The following SNRNP70 variants were observed in gnomAD, a reference collection of about 807,000 sequenced individuals.
The protein encoded by SNRNP70 is small nuclear ribonucleoprotein U1 subunit 70, also known as U1 small nuclear ribonucleoprotein 70 kDa.
SNRNP70 carries 8 observed loss-of-function variants against 50.5 expected under a neutral mutation model. The observed-to-expected ratio is 0.16, with a 90% CI of 0.09 to 0.29. SNRNP70 has a LOEUF of 0.29. Among genes scored for constraint, SNRNP70 ranks in the 10% least tolerant of loss-of-function variants. The probability of loss-of-function intolerance (pLI) is 1.00; values close to 1 mark genes in which losing one functional copy is unlikely to be tolerated. For missense variants in SNRNP70, 529 were observed against 663.5 expected, an observed-to-expected ratio of 0.80 and a Z score of 2.23; for synonymous variants, 320 against 252.9, an observed-to-expected ratio of 1.27 and a Z score of -2.52.
At chr19:49,100,856 CCCT>C (rs1261836515) in intron 6 of SNRNP70, among the ~76,000 whole-genome samples, 1 of 152,056 alleles carries the variant, frequency 6.6e-6, no homozygotes, top group Non-Finnish European at 1.5e-5. Context: ...ATTCACAACT[CCCT>C]CCTGTTTCCC....
In SNRNP70 at chr19:49,104,422, G is replaced by GCGCTGAGAGGAAGCAGA; in HGVS notation, c.476-203_476-187dup. ...TCTCCCCCGACCAGGAGTGGTTGGG[G>GCGCTGAGAGGAAGCAGA]CGCTGAGAGGAAGCAGACGCTGAGA... On this transcript the variant is annotated intron_variant, in intron 7 of 9. Coordinates refer to ENST00000598441, the MANE Select transcript of SNRNP70 (RefSeq NM_003089.6). This position sits in a 1 kb window ranked among gnomAD's most constrained non-coding sequence, Gnocchi z 5.4. 1 of 541,532 alleles carries GCGCTGAGAGGAAGCAGA rather than the reference G, an allele frequency of 1.8e-6. No individual in the cohort carries two copies. The highest frequency in any genetic ancestry group is 3.3e-5 in the East Asian group (1 of 30,162). The allele number at this position is 541,532 out of a possible 1,614,324, so 33.5% of individuals were successfully genotyped here.
chr19:49,085,641 G>C lies in SNRNP70; in HGVS notation c.-11+5G>C, dbSNP rs546716745. 8.8e-6 allele frequency: 4 copies of C among 455,702 alleles called. No individual in the cohort carries two copies. Among genetic ancestry groups the C allele is most frequent in the African/African-American group, 2.0e-5 (1 of 49,886 alleles). 28.2% of individuals were successfully genotyped at this position (455,702 alleles called of 1,614,324 possible). ...GAGCGAGGAGGGCGCTACGCGGTGAGTGAGTGTGACTGAGTGGCCCGACGG... is the reference window on the plus strand; with the variant it reads ...GAGCGAGGAGGGCGCTACGCGGTGACTGAGTGTGACTGAGTGGCCCGACGG... On this transcript the variant is annotated splice_donor_5th_base_variant and intron_variant, in intron 1 of 9. Transcript: ENST00000598441.
intron 6 of SNRNP70, among the ~76,000 whole-genome samples, chr19:49,100,528 C>T (rs190489944): frequency 4.9e-4 from 74 of 152,276 alleles, no homozygotes; most frequent in Admixed American, 4.8e-3. Flanking sequence ...TGTCCTTGGC[C>T]AGGCACAGTG....
intron 2 of SNRNP70, 24 bp from the exon 3 acceptor site, chr19:49,090,267 T>C: frequency 6.2e-7 from 1 of 1,610,858 alleles, no homozygotes; most frequent in Non-Finnish European, 8.5e-7. Flanking sequence ...CTTCCCACCC[T>C]GTCACCTCTC....
At chr19:49,102,379 C>T (rs1233096159) in intron 7 of SNRNP70, 3 of 307,830 alleles carry the variant, frequency 9.7e-6, no homozygotes, top group Non-Finnish European at 2.0e-5. Context: ...TCTTGCTGAT[C>T]CCAGGAGGGG....
intron 1 of SNRNP70, 149 bp from the exon 2 acceptor site, chr19:49,086,256 G>C (rs767324732): frequency 5.0e-6 from 4 of 798,870 alleles, no homozygotes; most frequent in Admixed American, 2.9e-5. Flanking sequence ...CCTTTTCTCC[G>C]CAACACAGGA....
At chr19:49,093,554 C>G (rs189103542) in intron 4 of SNRNP70, among the ~76,000 whole-genome samples, 12 of 149,312 alleles carry the variant, frequency 8.0e-5, no homozygotes, top group Non-Finnish European at 1.3e-4. Flanking sequence ...TGATGTGTAC[C>G]TGTAATCCCA....
chr19:49,092,932 T>TTTTTTTTTTTTTTTTTTTTTTTTTTTTTG (rs1409310441), intron 4 of SNRNP70, among the ~76,000 whole-genome samples: 1 of 151,274 alleles, frequency 6.6e-6, no homozygotes, highest in Non-Finnish European at 1.5e-5. Context: ...GTTTTGTTCT[T>TTTTTTTTTTTTTTTTTTTTTTTTTTTTTG]AGGGACAGGG....
chr19:49,093,594 C>G (rs1185861730), intron 4 of SNRNP70, among the ~76,000 whole-genome samples: 2 of 135,084 alleles, frequency 1.5e-5, no homozygotes, highest in Non-Finnish European at 3.2e-5. Flanking sequence ...CAAGAGAATC[C>G]TTTGAACCTG....
At chr19:49,099,477 TCCCAG>T (rs2040553850) in intron 6 of SNRNP70, among the ~76,000 whole-genome samples, 1 of 150,642 alleles carries the variant, frequency 6.6e-6, no homozygotes, top group Admixed American at 6.6e-5. Context: ...ACGCCTGTAA[TCCCAG>T]CACTTTGGGA....
Position 49,108,464 on chromosome 19 carries a change from G to A in SNRNP70, c.*21G>A. On this transcript the variant is annotated 3_prime_UTR_variant, in exon 10 of 10. Transcript: ENST00000598441. Reference sequence around the variant, plus strand: ...AGTGAAGAGGTCGTCCTCTCCATCTGCTGTGTTTGGACGCGTTCCTGCCCA... The same window carrying A: ...AGTGAAGAGGTCGTCCTCTCCATCTACTGTGTTTGGACGCGTTCCTGCCCA... 6.4e-7 allele frequency: 1 copy of A among 1,574,218 alleles called. No homozygotes were observed. The highest frequency in any genetic ancestry group is 2.4e-5 in the East Asian group (1 of 42,276).
chr19:49,106,824 T>A (rs2040675859), intron 8 of SNRNP70, among the ~76,000 whole-genome samples: 1 of 152,128 alleles, frequency 6.6e-6, no homozygotes, highest in Non-Finnish European at 1.5e-5. Flanking sequence ...CACATCCACC[T>A]TTCTATACCA....
At chr19:49,102,890 C>T (rs1295610994) in intron 7 of SNRNP70, 1 of 152,662 alleles carries the variant, frequency 6.6e-6, no homozygotes, top group African/African-American at 2.4e-5. Flanking sequence ...GCTGTTCCTC[C>T]CGGGATGGGC....
intron 8 of SNRNP70, among the ~76,000 whole-genome samples, chr19:49,105,691 AT>A (rs573128062): frequency 1.8e-4 from 27 of 151,996 alleles, no homozygotes; most frequent in Non-Finnish European, 3.8e-4. Flanking sequence ...GAGTCACTGC[AT>A]TCCATCCAGC....
chr19:49,105,237 C>T (rs1055027742), intron 8 of SNRNP70, among the ~76,000 whole-genome samples: 1 of 152,122 alleles, frequency 6.6e-6, no homozygotes, highest in Admixed American at 6.6e-5. Context: ...AGCCTCTGCC[C>T]TCTGAGCCTC....
chr19:49,097,037 G>A (rs1195643019), intron 4 of SNRNP70, among the ~76,000 whole-genome samples: 1 of 152,048 alleles, frequency 6.6e-6, no homozygotes, highest in African/African-American at 2.4e-5. Flanking sequence ...AGCTGAGGCA[G>A]GAGAATTGCT....
chr19:49,094,034 CAAG>C (rs1481453081), intron 4 of SNRNP70, among the ~76,000 whole-genome samples: 1 of 151,940 alleles, frequency 6.6e-6, no homozygotes, highest in African/African-American at 2.4e-5. Flanking sequence ...AAAAAACAAA[CAAG>C]TAAGTTCCAA....
At chr19:49,100,053 G>C (rs1027494423) in intron 6 of SNRNP70, among the ~76,000 whole-genome samples, 12 of 152,194 alleles carry the variant, frequency 7.9e-5, no homozygotes, top group Admixed American at 4.6e-4. Context: ...TCTTGGTTGT[G>C]TTTTGGAGGC....
intron 4 of SNRNP70, among the ~76,000 whole-genome samples, chr19:49,093,686 A>C (rs1055830679): frequency 1.5e-4 from 20 of 137,792 alleles, no homozygotes; most frequent in Admixed American, 2.2e-4. Context: ...CTCAAAAAAA[A>C]AAAAAACAAA....
Sources: allele counts gnomAD v4.1 joint callset (sites outside exome capture counted in the v4.1 genomes callset), GRCh38; gene constraint gnomAD v4.1.1; non-coding constraint Gnocchi (gnomAD v3.1); transcripts MANE v1.5; gene names NCBI Gene and HGNC (gene_info 2026-07-23, HGNC 2026-07-21).